Variants in SELENOF observed in about 807,000 individuals in gnomAD.
The protein encoded by SELENOF is 15 kDa selenoprotein.
A neutral mutation model predicts 20.5 loss-of-function variants in SELENOF; 16 were observed. The observed-to-expected ratio is 0.78, with a 90% CI of 0.53 to 1.19. The LOEUF (loss-of-function observed/expected upper bound fraction) is 1.19. Among genes scored for constraint, SELENOF ranks in the 50% most tolerant of loss-of-function variants. SELENOF has a pLI of 0.00. For missense variants in SELENOF, 215 were observed against 194.2 expected, an observed-to-expected ratio of 1.11 and a Z score of -0.64; for synonymous variants, 78 against 74.5, an observed-to-expected ratio of 1.05 and a Z score of -0.24.
intron 2 of SELENOF, among the ~76,000 whole-genome samples, chr1:86,892,180 C>T (rs942692233): frequency 1.3e-5 from 2 of 152,024 alleles, no homozygotes; most frequent in Non-Finnish European, 1.5e-5. Context: ...GATCCACCCC[C>T]CCGGCACGTT....
intron 3 of SELENOF, among the ~76,000 whole-genome samples, chr1:86,878,432 A>G (rs1385877951): frequency 1.3e-5 from 2 of 152,236 alleles, no homozygotes; most frequent in Admixed American, 6.5e-5. Flanking sequence ...CTGTAATCCC[A>G]GCATTGGGAG....
At chr1:86,906,991 C>G (rs1282317990) in intron 1 of SELENOF, among the ~76,000 whole-genome samples, 1 of 152,182 alleles carries the variant, frequency 6.6e-6, no homozygotes, top group African/African-American at 2.4e-5. Flanking sequence ...ATAAGAACCT[C>G]AAATGAATAA....
At chr1:86,913,977 G>T in intron 1 of SELENOF, 51 bp downstream of exon 1, 2 of 1,521,190 alleles carry the variant, frequency 1.3e-6, no homozygotes, top group Non-Finnish European at 1.8e-6. Flanking sequence ...TTTCTCAGCT[G>T]CAATCACTCC....
chr1:86,873,588 T>C (rs957477922), intron 3 of SELENOF, among the ~76,000 whole-genome samples: 6 of 152,154 alleles, frequency 3.9e-5, no homozygotes, highest in African/African-American at 1.4e-4. Context: ...CGGTGGCTCA[T>C]GCCTATAATT....
chr1:86,914,216 C>A, upstream of SELENOF: 1 of 944,082 alleles, frequency 1.1e-6, no homozygotes, highest in Non-Finnish European at 1.7e-6. Context: ...TTACATCTCT[C>A]ATTTGGAAGT....
intron 2 of SELENOF, among the ~76,000 whole-genome samples, chr1:86,901,093 A>G (rs1659691963): frequency 6.6e-6 from 1 of 152,170 alleles, no homozygotes; most frequent in African/African-American, 2.4e-5. Context: ...GGGTTTCACC[A>G]CGTTGCCCAG....
At chr1:86,877,837 T>C (rs1188918885) in intron 3 of SELENOF, among the ~76,000 whole-genome samples, 5 of 152,192 alleles carry the variant, frequency 3.3e-5, no homozygotes, top group Admixed American at 6.5e-5. Context: ...CATGCTATAA[T>C]AGCAGAGTTC....
intron 2 of SELENOF, among the ~76,000 whole-genome samples, chr1:86,888,804 C>T (rs557150451): frequency 1.3e-5 from 2 of 152,330 alleles, no homozygotes; most frequent in African/African-American, 4.8e-5. Flanking sequence ...GCTGGGATTA[C>T]AGGCGTGCGC....
At chr1:86,882,247 CAAAAAAAAAAAA>C (rs61037512) in intron 2 of SELENOF, among the ~76,000 whole-genome samples, 10 of 61,862 alleles carry the variant, frequency 1.6e-4, no homozygotes, top group East Asian at 8.3e-4. Context: ...GACTCTGTCT[CAAAAAAAAAAAA>C]AAAAAAAAAA....
At chr1:86,879,537 C>T (rs930049853) in intron 3 of SELENOF, among the ~76,000 whole-genome samples, 6 of 152,098 alleles carry the variant, frequency 3.9e-5, no homozygotes, top group Non-Finnish European at 8.8e-5. Context: ...TGTGCTAATA[C>T]AGGCAATGTT....
chr1:86,889,829 A>G (rs1033696806), intron 2 of SELENOF, among the ~76,000 whole-genome samples: 3 of 152,102 alleles, frequency 2.0e-5, no homozygotes, highest in African/African-American at 7.2e-5. Context: ...AATCCAAATA[A>G]ATAAATTTAT....
chr1:86,883,155 A>G (rs1454435903), intron 2 of SELENOF, among the ~76,000 whole-genome samples: 2 of 151,902 alleles, frequency 1.3e-5, no homozygotes, highest in Admixed American at 6.6e-5. Context: ...TCGGACACAT[A>G]TTACAATATA....
chr1:86,914,092 C>G lies in SELENOF; in HGVS notation c.20G>C (p.Gly7Ala). 6.2e-7 allele frequency: 1 copy of G among 1,613,992 alleles called. No individual in the cohort carries two copies. Among genetic ancestry groups the G allele is most frequent in the South Asian group, 1.1e-5 (1 of 91,082 alleles). The change falls in exon 1 of 5, where the codon GGG becomes GCG. Residue 7 changes from glycine to alanine, a missense_variant. Transcript: ENST00000331835. MVAMAA[G>A]PSGCLVPAFG... The stretch of plus-strand genomic sequence containing the variant: ...CGCCGGCACCAGACACCCACTCGGC[C>G]CAGCCGCCATCGCTACCATTTTCCG...
intron 2 of SELENOF, among the ~76,000 whole-genome samples, chr1:86,895,415 T>C (rs765946563): frequency 3.9e-5 from 6 of 152,210 alleles, no homozygotes; most frequent in Non-Finnish European, 7.3e-5. Flanking sequence ...CAGCAAGTAT[T>C]TACCTACTAC....
intron 1 of SELENOF, among the ~76,000 whole-genome samples, chr1:86,909,088 A>T (rs1659907449): frequency 6.6e-6 from 1 of 152,218 alleles, no homozygotes; most frequent in Non-Finnish European, 1.5e-5. Context: ...CCATAGCAGT[A>T]TCTCAATCTC....
intron 2 of SELENOF, among the ~76,000 whole-genome samples, chr1:86,894,373 A>G (rs28392957): frequency 0.025 from 3,857 of 152,170 alleles, 83 homozygotes; most frequent in African/African-American, 0.056. Flanking sequence ...ACAAACATAT[A>G]GCTCAATTTA....
At chr1:86,899,659 C>A (rs1260807321) in intron 2 of SELENOF, among the ~76,000 whole-genome samples, 1 of 151,314 alleles carries the variant, frequency 6.6e-6, no homozygotes, top group Non-Finnish European at 1.5e-5. Flanking sequence ...CCATCTCCCT[C>A]CCGGATGGGG....
At chr1:86,889,946 A>C (rs1307603592) in intron 2 of SELENOF, among the ~76,000 whole-genome samples, 3 of 152,216 alleles carry the variant, frequency 2.0e-5, no homozygotes, top group Admixed American at 2.0e-4. Flanking sequence ...TTTCTGGCAT[A>C]AGTATTCCCC....
intron 2 of SELENOF, among the ~76,000 whole-genome samples, chr1:86,901,397 G>C (rs1033775964): frequency 6.7e-6 from 1 of 149,886 alleles, no homozygotes; most frequent in Non-Finnish European, 1.5e-5. Flanking sequence ...AGTGTTTTTT[G>C]CTATGTTTTG....
Sources: allele counts gnomAD v4.1 joint callset (sites outside exome capture counted in the v4.1 genomes callset), GRCh38; gene constraint gnomAD v4.1.1; transcripts MANE v1.5; gene names NCBI Gene and HGNC (gene_info 2026-07-23, HGNC 2026-07-21).